The following PRDM10 variants were observed in gnomAD, a reference collection of about 807,000 sequenced individuals.
PRDM10 encodes the protein PR domain zinc finger protein 10.
PRDM10 carries 65 observed loss-of-function variants against 133.1 expected under a neutral mutation model. That is an observed-to-expected ratio of 0.49 (90% CI 0.40 to 0.60). The LOEUF (loss-of-function observed/expected upper bound fraction) is 0.60, where lower values mean the gene tolerates loss of function less well. Among genes scored for constraint, PRDM10 ranks in the 20% least tolerant of loss-of-function variants. The probability of loss-of-function intolerance (pLI) is 0.00; values close to 1 mark genes in which losing one functional copy is unlikely to be tolerated. For missense variants in PRDM10, 1,137 were observed against 1,507.1 expected (o/e 0.75, Z 4.07); for synonymous variants, 582 against 580.4 (o/e 1.00, Z -0.04).
At chr11:129,933,783 T>C (rs1201076107) in intron 9 of PRDM10, among the ~76,000 whole-genome samples, 1 of 152,120 alleles carries the variant, frequency 6.6e-6, no homozygotes, top group African/African-American at 2.4e-5. Flanking sequence ...CAGGAGTGAC[T>C]CAAATCTCAC....
In PRDM10 at chr11:129,900,096, A is replaced by G. The variant is rs1949803901; in HGVS notation, c.*2217T>C. On this transcript the variant is annotated 3_prime_UTR_variant, in exon 21 of 21. Coordinates refer to ENST00000360871, the MANE Select transcript of PRDM10 (RefSeq NM_199437.2). ...TCACACTGGACTGAATGAAGTCTAC[A>G]GTGTCAATGTGTCTTGAGAGAGGCC... 1 of 152,594 alleles carries G rather than the reference A, an allele frequency of 6.6e-6. No individual in the cohort carries two copies. The highest frequency in any genetic ancestry group is 6.5e-5 in the Admixed American group (1 of 15,286). 9.5% of individuals were successfully genotyped at this position (152,594 alleles called of 1,614,324 possible). A position where few individuals can be genotyped will look rare whatever the true frequency, so the allele number is the denominator to read the frequency against.
chr11:129,989,281 G>T (rs919797252), intron 1 of PRDM10, among the ~76,000 whole-genome samples: 3 of 151,900 alleles, frequency 2.0e-5, no homozygotes, highest in Non-Finnish European at 4.4e-5. Context: ...ACTCTACCCT[G>T]GCCAACAGCA....
chr11:129,940,289 T>C (rs1951166068), intron 7 of PRDM10, among the ~76,000 whole-genome samples: 1 of 152,226 alleles, frequency 6.6e-6, no homozygotes, highest in Non-Finnish European at 1.5e-5. Flanking sequence ...ATCATTGGTA[T>C]CAGGGTCAGT....
intron 9 of PRDM10, among the ~76,000 whole-genome samples, chr11:129,932,705 C>T (rs898074530): frequency 7.9e-5 from 12 of 152,110 alleles, no homozygotes; most frequent in African/African-American, 2.7e-4. Context: ...ATTTCTAATT[C>T]AATTGTTTCA....
chr11:129,951,601 G>T (rs979881271), intron 4 of PRDM10, among the ~76,000 whole-genome samples: 1 of 151,992 alleles, frequency 6.6e-6, no homozygotes, highest in East Asian at 1.9e-4. Flanking sequence ...ACCACTCTCT[G>T]TAATTATTTC....
intron 10 of PRDM10, among the ~76,000 whole-genome samples, 189 bp from the exon 11 acceptor site, chr11:129,931,447 G>A (rs1219622172): frequency 6.6e-6 from 1 of 152,052 alleles, no homozygotes; most frequent in African/African-American, 2.4e-5. Context: ...CACTTAACAA[G>A]GAAAAGACTG....
At chr11:129,931,863 T>C (rs7933055) in intron 10 of PRDM10, among the ~76,000 whole-genome samples, 40,102 of 152,206 alleles carry the variant, frequency 0.26, 7,583 homozygotes, top group East Asian at 0.52. Context: ...CCACTGCGCC[T>C]GGCCAAGTCC....
At chr11:129,914,193 G>T (rs1950279389) in intron 17 of PRDM10, among the ~76,000 whole-genome samples, 1 of 152,196 alleles carries the variant, frequency 6.6e-6, no homozygotes, top group Non-Finnish European at 1.5e-5. Flanking sequence ...GTAGAGACGA[G>T]ATTTTGCCAT....
At position 129,915,729 on chromosome 11, in the gene PRDM10, G is replaced by T; in HGVS notation, c.2457C>A (p.Thr819=). 1 of 1,614,120 alleles carries T rather than the reference G, an allele frequency of 6.2e-7. No homozygotes were observed. The highest frequency in any genetic ancestry group is 2.2e-5 in the East Asian group (1 of 44,872). Residue 819 remains threonine (T), a synonymous_variant, in exon 16 of 21, where the codon ACC becomes ACA. Coordinates refer to ENST00000360871, the MANE Select transcript of PRDM10 (RefSeq NM_199437.2). ...GGGTGGCGATGGTGCCCGTCAGCTG[G>T]GTGTGTGTGCTCAGCATGGGGTCTG... is the stretch of plus-strand genomic sequence containing the variant. ...GEPDPMLSTH[T]QLTGTIATPP...
Position 129,915,794 on chromosome 11 carries a change from G to C in PRDM10, c.2392C>G (p.Pro798Ala). The C allele has an allele frequency of 6.2e-7, 1 of 1,614,220 alleles. No individual in the cohort carries two copies. Among genetic ancestry groups the C allele is most frequent in the Non-Finnish European group, 8.5e-7 (1 of 1,180,038 alleles). ...LKNHPGAELP[P>A]SIRKLRPAGP... ...GCGGGTCGGAGCTTCCGAATGCTCG[G>C]TGGGAGCTCTGCTCCTGGGTGGTTC... Residue 798 changes from proline to alanine, a missense_variant, in exon 16 of 21, where the codon CCG becomes GCG. Pro to Ala is a conservative substitution (Grantham distance 27). Coordinates refer to ENST00000360871, the MANE Select transcript of PRDM10 (RefSeq NM_199437.2).
At chr11:129,950,834 T>C (rs552240040) in intron 4 of PRDM10, among the ~76,000 whole-genome samples, 1 of 152,358 alleles carries the variant, frequency 6.6e-6, no homozygotes, top group East Asian at 1.9e-4. Flanking sequence ...ATGTATTTTT[T>C]TCCCAACAGA....
intron 1 of PRDM10, among the ~76,000 whole-genome samples, chr11:129,967,893 C>T (rs1951939849): frequency 6.6e-6 from 1 of 152,070 alleles, no homozygotes; most frequent in Non-Finnish European, 1.5e-5. Context: ...GAGTTCCCAT[C>T]ATGCCCTTCA....
At chr11:129,935,348 T>C (rs1950995477) in intron 8 of PRDM10, 130 bp from the exon 9 acceptor site, 3 of 654,066 alleles carry the variant, frequency 4.6e-6, no homozygotes, top group Non-Finnish European at 8.0e-6. Flanking sequence ...GTATCTGCTA[T>C]TTGCATTACT....
At chr11:129,925,878 G>A (rs565516044) in intron 11 of PRDM10, among the ~76,000 whole-genome samples, 1 of 152,306 alleles carries the variant, frequency 6.6e-6, no homozygotes, top group Admixed American at 6.5e-5. Context: ...AGATTGCACA[G>A]CTTCAGAATG....
intron 3 of PRDM10, among the ~76,000 whole-genome samples, chr11:129,956,136 A>C (rs1951692395): frequency 1.3e-5 from 2 of 152,232 alleles, no homozygotes; most frequent in South Asian, 4.1e-4. Context: ...TAAAAAAAAA[A>C]ATTAATCATC....
chr11:129,971,710 C>T (rs1268260267), intron 1 of PRDM10, among the ~76,000 whole-genome samples: 1 of 152,260 alleles, frequency 6.6e-6, no homozygotes, highest in African/African-American at 2.4e-5. Flanking sequence ...TTTACAATCC[C>T]TGAGGTAGAC....
chr11:129,982,998 A>C (rs955705222), intron 1 of PRDM10, among the ~76,000 whole-genome samples: 3 of 151,642 alleles, frequency 2.0e-5, no homozygotes, highest in Non-Finnish European at 4.4e-5. Context: ...TTTCTTTGAG[A>C]CAGTGTCTCA....
chr11:129,924,682 A>G (rs1381260396), intron 12 of PRDM10, among the ~76,000 whole-genome samples, 200 bp downstream of exon 12: 1 of 152,236 alleles, frequency 6.6e-6, no homozygotes, highest in African/African-American at 2.4e-5. Flanking sequence ...TTCAATGTCA[A>G]TGTCTGATCT....
intron 1 of PRDM10, among the ~76,000 whole-genome samples, chr11:129,979,489 G>A (rs1434993876): frequency 1.3e-5 from 2 of 152,116 alleles, no homozygotes; most frequent in Non-Finnish European, 2.9e-5. Context: ...CAGCTCCAGG[G>A]TGTGACCTTC....
Sources: gnomAD v4.1 joint callset for allele counts (sites outside exome capture counted in the v4.1 genomes callset) on GRCh38, gnomAD v4.1.1 for gene constraint, MANE v1.5 for transcripts, NCBI Gene and HGNC (gene_info 2026-07-23, HGNC 2026-07-21) for gene names.